ADAM23: variants seen among roughly 807,000 people sequenced by gnomAD.
ADAM23 encodes ADAM metallopeptidase domain 23.
A neutral mutation model predicts 120.1 loss-of-function variants in ADAM23; 33 were observed. That is an observed-to-expected ratio of 0.27 (90% CI 0.21 to 0.37). ADAM23 has a LOEUF of 0.37. ADAM23 is among the 10% of genes least tolerant of loss of function. ADAM23 has a pLI of 1.00. For missense variants in ADAM23, 862 were observed against 1,058.2 expected (o/e 0.81, Z 2.57); for synonymous variants, 367 against 375.2 (o/e 0.98, Z 0.25).
intron 3 of ADAM23, among the ~76,000 whole-genome samples, chr2:206,518,976 A>C (rs753824332): frequency 1.3e-5 from 2 of 152,184 alleles, no homozygotes; most frequent in Admixed American, 1.3e-4. Context: ...GCCTAGGTGT[A>C]TATTTAAGGT....
rs763617329 is a variant in ADAM23 at position 206,570,752 on chromosome 2, A to G, written c.1507A>G (p.Thr503Ala). The change falls in exon 16 of 26, where the codon ACG becomes GCG. Residue 503 changes from threonine (T) to alanine (A), a missense_variant. Coordinates refer to ENST00000264377, the MANE Select transcript of ADAM23 (RefSeq NM_003812.4). ...FNRPTKLFEPTECGNGYVEAG... is the reference protein window; with the variant it reads ...FNRPTKLFEPAECGNGYVEAG... The stretch of plus-strand genomic sequence containing the variant: ...CTAATCTCTTTAGCTATTTGAGCCC[A>G]CGGAATGTGGAAATGGATACGTGGA... The G allele has an allele frequency of 3.7e-6, 6 of 1,613,754 alleles. No individual in the cohort carries two copies. The African/African-American group carries it at 4.0e-5, about 11-fold the overall frequency.
At chr2:206,559,908 T>C in intron 10 of ADAM23, 47 bp from the exon 11 acceptor site, 2 of 1,550,268 alleles carry the variant, frequency 1.3e-6, no homozygotes, top group Non-Finnish European at 1.8e-6. Flanking sequence ...TCGTGCATGT[T>C]TGACCCAGTG....
At chr2:206,525,512 GTT>G (rs1197739572) in intron 3 of ADAM23, among the ~76,000 whole-genome samples, 1 of 152,112 alleles carries the variant, frequency 6.6e-6, no homozygotes, top group Non-Finnish European at 1.5e-5. Context: ...CTGAACAATT[GTT>G]TTCTTTGATC....
chr2:206,453,800 C>T (rs1223175508), intron 2 of ADAM23, among the ~76,000 whole-genome samples: 5 of 152,226 alleles, frequency 3.3e-5, no homozygotes, highest in Non-Finnish European at 5.9e-5. Context: ...AGATGTGAAC[C>T]TGTGAATTAG....
In ADAM23 at chr2:206,573,210, G is replaced by C; in HGVS notation, c.1737+15G>C. 6.2e-7 allele frequency: 1 copy of C among 1,612,138 alleles called. No homozygotes were observed. Among genetic ancestry groups the C allele is most frequent in the Non-Finnish European group, 8.5e-7 (1 of 1,178,250 alleles). Reference sequence around the variant, plus strand: ...ACTCTGGTCAGGTATGGCGCACTGAGTTTTTGGTAATACATTTTACTTGTA... The same window carrying C: ...ACTCTGGTCAGGTATGGCGCACTGACTTTTTGGTAATACATTTTACTTGTA... On this transcript the variant is annotated intron_variant, in intron 18 of 25. Coordinates refer to ENST00000264377, the MANE Select transcript of ADAM23 (RefSeq NM_003812.4).
At chr2:206,564,283 A>G (rs1432524391) in intron 13 of ADAM23, among the ~76,000 whole-genome samples, 1 of 152,186 alleles carries the variant, frequency 6.6e-6, no homozygotes, top group Non-Finnish European at 1.5e-5. Context: ...AGAAGAGCCC[A>G]TCACAATATC....
At chr2:206,491,949 T>A (rs1336525830) in intron 3 of ADAM23, among the ~76,000 whole-genome samples, 5 of 152,190 alleles carry the variant, frequency 3.3e-5, no homozygotes, top group Non-Finnish European at 7.3e-5. Context: ...ATGGATAGAT[T>A]TCCATTGACA....
chr2:206,507,068 GC>G (rs1307073060), intron 3 of ADAM23, among the ~76,000 whole-genome samples: 1 of 152,146 alleles, frequency 6.6e-6, no homozygotes, highest in Non-Finnish European at 1.5e-5. Flanking sequence ...AAGGACTCTT[GC>G]TTTTCAACAT....
intron 18 of ADAM23, among the ~76,000 whole-genome samples, chr2:206,575,385 A>G (rs1477143959): frequency 6.6e-6 from 1 of 152,182 alleles, no homozygotes; most frequent in Non-Finnish European, 1.5e-5. Context: ...TCACGATTGT[A>G]TGAGAGTCTG....
chr2:206,503,691 T>G (rs1204493041), intron 3 of ADAM23, among the ~76,000 whole-genome samples: 1 of 152,168 alleles, frequency 6.6e-6, no homozygotes, highest in African/African-American at 2.4e-5. Flanking sequence ...CAAAGTATAC[T>G]TTCTATTACA....
chr2:206,608,268 T>G (rs1698766369), intron 24 of ADAM23, among the ~76,000 whole-genome samples: 1 of 152,192 alleles, frequency 6.6e-6, no homozygotes, highest in African/African-American at 2.4e-5. Context: ...CGATAAAACT[T>G]TTTTGCAAAA....
At chr2:206,446,076 G>T (rs1263144844) in intron 2 of ADAM23, among the ~76,000 whole-genome samples, 1 of 152,150 alleles carries the variant, frequency 6.6e-6, no homozygotes, top group Non-Finnish European at 1.5e-5. Context: ...CATTTAAAAA[G>T]ATTATGGTGA....
intron 4 of ADAM23, among the ~76,000 whole-genome samples, chr2:206,532,970 A>G (rs1697097803): frequency 1.3e-5 from 2 of 152,012 alleles, no homozygotes; most frequent in Non-Finnish European, 2.9e-5. Context: ...ATATATATTA[A>G]CAATTTTTAT....
At chr2:206,470,133 G>A (rs1695623652) in intron 2 of ADAM23, among the ~76,000 whole-genome samples, 2 of 151,970 alleles carry the variant, frequency 1.3e-5, no homozygotes, top group South Asian at 4.1e-4. Flanking sequence ...CTTGAAATGT[G>A]GTAGACACAC....
chr2:206,448,739 A>G (rs997644567), intron 2 of ADAM23, among the ~76,000 whole-genome samples: 10 of 152,222 alleles, frequency 6.6e-5, no homozygotes, highest in African/African-American at 2.4e-4. Context: ...AAACTTTTGG[A>G]TAGCTGAACA....
chr2:206,509,219 A>C (rs1416696762), intron 3 of ADAM23, among the ~76,000 whole-genome samples: 1 of 152,214 alleles, frequency 6.6e-6, no homozygotes, highest in African/African-American at 2.4e-5. Flanking sequence ...AGTCGATACA[A>C]AAAGAATACA....
intron 3 of ADAM23, among the ~76,000 whole-genome samples, chr2:206,495,496 G>A (rs564021674): frequency 6.6e-6 from 1 of 152,164 alleles, no homozygotes; most frequent in Non-Finnish European, 1.5e-5. Context: ...AGCTCCTGAA[G>A]GAAGCACTAA....
chr2:206,506,247 T>C (rs1696495326), intron 3 of ADAM23, among the ~76,000 whole-genome samples: 1 of 152,254 alleles, frequency 6.6e-6, no homozygotes, highest in African/African-American at 2.4e-5. Context: ...GGTATCTTTC[T>C]ACACGGTTAT....
chr2:206,586,730 T>C (rs1365917182), intron 18 of ADAM23, among the ~76,000 whole-genome samples: 1 of 152,212 alleles, frequency 6.6e-6, no homozygotes, highest in Non-Finnish European at 1.5e-5. Context: ...AAGTATTTCT[T>C]TAAAAAATGA....
Sources: gnomAD v4.1 joint callset for allele counts (sites outside exome capture counted in the v4.1 genomes callset) on GRCh38, gnomAD v4.1.1 for gene constraint, MANE v1.5 for transcripts, NCBI Gene and HGNC (gene_info 2026-07-23, HGNC 2026-07-21) for gene names.